Variants in UNC13A observed in about 807,000 individuals in gnomAD.
The protein encoded by UNC13A is unc-13 homolog A.
UNC13A carries 61 observed loss-of-function variants against 219.7 expected under a neutral mutation model. The ratio of observed to expected loss-of-function variants is 0.28; its 90% CI spans 0.23 to 0.34. The LOEUF is 0.34. Ranked by LOEUF, UNC13A falls within the 10% of genes least tolerant of loss-of-function variation. UNC13A has a pLI of 1.00. For synonymous variants in UNC13A, 920 were observed against 884.6 expected, an observed-to-expected ratio of 1.04 and a Z score of -0.71; for missense variants, 1,476 against 2,270.3, an observed-to-expected ratio of 0.65 and a Z score of 7.11.
chr19:17,680,857 CTTCTT>C (rs1395135643), intron 1 of UNC13A, among the ~76,000 whole-genome samples: 2 of 105,894 alleles, frequency 1.9e-5, no homozygotes, highest in Non-Finnish European at 4.3e-5. Flanking sequence ...TTTCTTTTCT[CTTCTT>C]CTTCTTCTTT....
chr19:17,624,514 A>G (rs912976746), intron 35 of UNC13A, among the ~76,000 whole-genome samples: 4 of 152,160 alleles, frequency 2.6e-5, no homozygotes, highest in African/African-American at 9.7e-5. Context: ...ATTTTGACCT[A>G]CATGTGACCT....
At chr19:17,631,048 C>T (rs1462157503) in intron 28 of UNC13A, among the ~76,000 whole-genome samples, 4 of 150,322 alleles carry the variant, frequency 2.7e-5, no homozygotes, top group South Asian at 2.1e-4. Context: ...CTGAGTCCTC[C>T]GTCCATCCTT....
At chr19:17,683,689 T>A (rs577332604) in intron 1 of UNC13A, among the ~76,000 whole-genome samples, 2 of 150,900 alleles carry the variant, frequency 1.3e-5, no homozygotes, top group African/African-American at 5.0e-5. Context: ...AAAAGCTGGA[T>A]AAATGGGGTT....
At chr19:17,611,579 G>C (rs2076604082) in intron 42 of UNC13A, among the ~76,000 whole-genome samples, 184 bp downstream of exon 42, 1 of 152,182 alleles carries the variant, frequency 6.6e-6, no homozygotes, top group African/African-American at 2.4e-5. Context: ...GAGAAAGTGG[G>C]ATTCAGTCTT....
intron 18 of UNC13A, 54 bp downstream of exon 18, chr19:17,645,916 G>C: frequency 6.3e-7 from 1 of 1,599,550 alleles, no homozygotes; most frequent in Non-Finnish European, 8.5e-7. Context: ...GCCCTCTTTT[G>C]GCTGCCCCAG....
chr19:17,675,886 C>T, intron 2 of UNC13A, 126 bp downstream of exon 2: 6 of 1,264,100 alleles, frequency 4.7e-6, no homozygotes, highest in Non-Finnish European at 6.8e-6. Flanking sequence ...CTTCTGACCC[C>T]TCTCCTGATG....
At position 17,682,991 on chromosome 19, in the gene UNC13A, G is replaced by T. The variant is rs546603934; in HGVS notation, c.22+5187C>A. Among the ~76,000 whole-genome samples the T allele has an allele frequency of 9.2e-5, 14 of 152,282 alleles. No homozygotes were observed. In the South Asian group the frequency reaches 1.9e-3, roughly 20 times the overall value. On this transcript the variant is annotated intron_variant, in intron 1 of 43. Transcript: ENST00000519716. Reference sequence around the variant, plus strand: ...GAGGCAGGAGAATTGCTTGAACCCGGGAGGAGGAGGTTACAGTGAACTGAA... The same window carrying T: ...GAGGCAGGAGAATTGCTTGAACCCGTGAGGAGGAGGTTACAGTGAACTGAA...
At chr19:17,663,251 A>G (rs2079583470) in intron 8 of UNC13A, among the ~76,000 whole-genome samples, 2 of 152,010 alleles carry the variant, frequency 1.3e-5, no homozygotes, top group South Asian at 4.1e-4. Flanking sequence ...AGCTGGAGAC[A>G]AGCAGGTTGT....
rs1215312747 is a variant in UNC13A, at chr19:17,642,827, C to A, written c.2472+18G>T. 6.3e-7 allele frequency: 1 copy of A among 1,587,914 alleles called. No homozygotes were observed. The highest frequency in any genetic ancestry group is 1.1e-5 in the South Asian group (1 of 87,688). ...GTGAGTGGAAGTGGCATGGGAGGGG[C>A]CGAGCAATGACCCTCACCTCATGCA... On this transcript the variant is annotated intron_variant, in intron 20 of 43. Transcript: ENST00000519716.
chr19:17,682,990 G>A (rs4808678), intron 1 of UNC13A, among the ~76,000 whole-genome samples: 5,300 of 152,196 alleles, frequency 0.035, 113 homozygotes, highest in South Asian at 0.062. Flanking sequence ...GCTTGAACCC[G>A]GGAGGAGGAG....
chr19:17,606,504 G>A, intron 43 of UNC13A, 150 bp from the exon 44 acceptor site: 2 of 1,194,256 alleles, frequency 1.7e-6, no homozygotes, highest in Non-Finnish European at 2.3e-6. Context: ...CCCCTGCCCC[G>A]TTACTTGACC....
In UNC13A at chr19:17,621,634, GAC is replaced by G. The variant is rs559282661; in HGVS notation, c.4242+196_4242+197del. 1.9e-3 allele frequency among the ~76,000 whole-genome samples: 294 copies of G among 152,090 alleles called. 1 individual carries two copies. The highest frequency in any genetic ancestry group is 6.8e-3 in the African/African-American group (282 of 41,482). Reference sequence around the variant, plus strand: ...GTGCACACACATTAGTTCACATGTGGACACACACACTGCACGTTCTGTCCCTG... The same window carrying G: ...GTGCACACACATTAGTTCACATGTGGACACACACTGCACGTTCTGTCCCTG... On this transcript the variant is annotated intron_variant, in intron 37 of 43. Transcript: ENST00000519716.
At position 17,668,465 on chromosome 19, in the gene UNC13A, A is replaced by C. The variant is rs138032559; in HGVS notation, c.395-275T>G. On this transcript the variant is annotated intron_variant, in intron 5 of 43. Coordinates refer to ENST00000519716, the MANE Select transcript of UNC13A (RefSeq NM_001080421.3). ...TAGCCTTTACGAGGGTGGGGAAGCC[A>C]TTGTTTTTATTTAATTTTTTAATTT... is the stretch of plus-strand genomic sequence containing the variant. 6.2e-3 allele frequency among the ~76,000 whole-genome samples: 949 copies of C among 152,152 alleles called. 13 individuals are homozygous for C. Among genetic ancestry groups the C allele is most frequent in the African/African-American group, 0.022 (913 of 41,538 alleles).
chr19:17,655,456 T>G, intron 10 of UNC13A, 74 bp from the exon 11 acceptor site: 18 of 1,117,668 alleles, frequency 1.6e-5, no homozygotes, highest in East Asian at 2.6e-5. Context: ...CCTCCAGCTG[T>G]GCAAGTGATG....
At position 17,663,575 on chromosome 19, in the gene UNC13A, G is replaced by A; in HGVS notation, c.524-8C>T. 1.2e-6 allele frequency: 2 copies of A among 1,608,898 alleles called. No individual in the cohort carries two copies. Among genetic ancestry groups the A allele is most frequent in the Non-Finnish European group, 1.7e-6 (2 of 1,177,856 alleles). ...CAAAATAATTCCAGTTGCCTACAAA[G>A]AGAAGGGGCAGAAATAATAAAAGGG... On this transcript the variant is annotated splice_region_variant and splice_polypyrimidine_tract_variant and intron_variant, in intron 7 of 43. Transcript: ENST00000519716.
chr19:17,676,087 G>T (rs1268896244), intron 1 of UNC13A, 46 bp from the exon 2 acceptor site: 1 of 1,543,706 alleles, frequency 6.5e-7, no homozygotes, highest in Non-Finnish European at 8.8e-7. Context: ...GGAGAGATGT[G>T]GGGAGGAGGA....
intron 1 of UNC13A, among the ~76,000 whole-genome samples, chr19:17,676,510 C>T (rs2079901304): frequency 6.6e-6 from 1 of 152,106 alleles, no homozygotes; most frequent in South Asian, 2.1e-4. Context: ...AGGATTGCCC[C>T]AGAAGAAGAG....
In UNC13A at chr19:17,652,495, A is replaced by G. The variant is rs901925308; in HGVS notation, c.1439+136T>C. 3.9e-6 allele frequency: 4 copies of G among 1,035,526 alleles called. No homozygotes were observed. In the African/African-American group the frequency reaches 6.3e-5, roughly 16 times the overall value. 64.1% of individuals were successfully genotyped at this position (1,035,526 alleles called of 1,614,324 possible). A position where few individuals can be genotyped will look rare whatever the true frequency, so the allele number is the denominator to read the frequency against. ...GCTGTGTGCCTTATGAAAGTGACGT[A>G]TTTTGCCCAAGCTCAATCTGTCCCC... On this transcript the variant is annotated intron_variant, in intron 12 of 43. Coordinates refer to ENST00000519716, the MANE Select transcript of UNC13A (RefSeq NM_001080421.3).
chr19:17,648,390 C>G, intron 16 of UNC13A, 41 bp downstream of exon 16: 1 of 1,477,874 alleles, frequency 6.8e-7, no homozygotes, highest in Non-Finnish European at 9.0e-7. Context: ...CCGGGGCTCC[C>G]CACGCCAACC....
Sources: allele counts gnomAD v4.1 joint callset (sites outside exome capture counted in the v4.1 genomes callset), GRCh38; gene constraint gnomAD v4.1.1; transcripts MANE v1.5; gene names NCBI Gene and HGNC (gene_info 2026-07-23, HGNC 2026-07-21).